Variants in ELOVL6 observed in about 807,000 individuals in gnomAD.
The protein encoded by ELOVL6 is ELOVL fatty acid elongase 6, also known as very long chain fatty acid elongase 6.
ELOVL6 carries 8 observed loss-of-function variants against 31.7 expected under a neutral mutation model. The ratio of observed to expected loss-of-function variants is 0.25; its 90% CI spans 0.15 to 0.45. ELOVL6 has a LOEUF of 0.45. Among genes scored for constraint, ELOVL6 ranks in the 20% least tolerant of loss-of-function variants. The pLI is 1.00. For synonymous variants in ELOVL6, 101 were observed against 117.7 expected (o/e 0.86, Z 0.92); for missense variants, 126 against 326.4 (o/e 0.39, Z 4.73).
At position 110,094,430 on chromosome 4, in the gene ELOVL6, TATATATATATATA is replaced by T. The variant is rs1298713779; in HGVS notation, c.221+11054_221+11066del. ...ATATATATATATATATATATATATATATATATATATATAATATATATAACATAATATATATTAC... is the reference window on the plus strand; with the variant it reads ...ATATATATATATATATATATATATATATATATATAACATAATATATATTAC... On this transcript the variant is annotated intron_variant, in intron 2 of 3. Coordinates refer to ENST00000302274, the MANE Select transcript of ELOVL6 (RefSeq NM_024090.3). Among the ~76,000 whole-genome samples, 6 of 58,258 alleles carry T rather than the reference TATATATATATATA, an allele frequency of 1.0e-4. 1 individual carries two copies. The South Asian group carries it at 2.2e-3, about 21-fold the overall frequency. 38.2% of individuals were successfully genotyped at this position (58,258 alleles called of 152,430 possible). A position where few individuals can be genotyped will look rare whatever the true frequency, so the allele number is the denominator to read the frequency against.
intron 1 of ELOVL6, among the ~76,000 whole-genome samples, chr4:110,197,125 C>T (rs891968147): frequency 1.5e-4 from 23 of 152,300 alleles, no homozygotes; most frequent in Non-Finnish European, 2.6e-4. Context: ...CCCCGGCTCC[C>T]GGGAGACCCT....
At chr4:110,111,358 C>CTT (rs3033269) in intron 1 of ELOVL6, among the ~76,000 whole-genome samples, 37,109 of 144,748 alleles carry the variant, frequency 0.26, 5,651 homozygotes, top group East Asian at 0.46. Flanking sequence ...CTTAGAATTC[C>CTT]TTTTTTTTTT....
chr4:110,062,653 G>T (rs55675150), intron 2 of ELOVL6, among the ~76,000 whole-genome samples: 3,653 of 152,278 alleles, frequency 0.024, 148 homozygotes, highest in African/African-American at 0.082. Flanking sequence ...ATATGCTGCT[G>T]TTCTGCTACC....
intron 2 of ELOVL6, among the ~76,000 whole-genome samples, chr4:110,084,563 GAT>G (rs1553956219): frequency 0.019 from 841 of 44,522 alleles, 14 homozygotes; most frequent in Non-Finnish European, 0.021. Flanking sequence ...CACACACACA[GAT>G]ATATATATAT....
At chr4:110,136,440 T>C (rs138818787) in intron 1 of ELOVL6, among the ~76,000 whole-genome samples, 70 of 152,286 alleles carry the variant, frequency 4.6e-4, no homozygotes, top group African/African-American at 1.6e-3. Flanking sequence ...AAATATGTCC[T>C]CCTGTAACCA....
At chr4:110,100,602 AG>A (rs1269722809) in intron 2 of ELOVL6, among the ~76,000 whole-genome samples, 1 of 152,024 alleles carries the variant, frequency 6.6e-6, no homozygotes, top group Non-Finnish European at 1.5e-5. Context: ...CCCTGGCTAC[AG>A]TTAAGAGCTA....
intron 2 of ELOVL6, among the ~76,000 whole-genome samples, chr4:110,097,362 C>T (rs1056259020): frequency 6.7e-6 from 1 of 148,280 alleles, no homozygotes; most frequent in Non-Finnish European, 1.5e-5. Flanking sequence ...TCAGACTAGA[C>T]ATTGTTATCT....
chr4:110,101,547 G>A (rs1756742426), intron 2 of ELOVL6, among the ~76,000 whole-genome samples: 1 of 152,092 alleles, frequency 6.6e-6, no homozygotes, highest in South Asian at 2.1e-4. Flanking sequence ...ATTGAGAGTT[G>A]TCCACATGAT....
intron 1 of ELOVL6, among the ~76,000 whole-genome samples, chr4:110,113,682 T>C (rs151214863): frequency 4.6e-5 from 7 of 152,284 alleles, no homozygotes; most frequent in East Asian, 1.9e-4. Flanking sequence ...AAAAAATAAT[T>C]TCTAGTTTCT....
At chr4:110,185,315 T>G (rs536594981) in intron 1 of ELOVL6, among the ~76,000 whole-genome samples, 1 of 152,124 alleles carries the variant, frequency 6.6e-6, no homozygotes, top group African/African-American at 2.4e-5. Flanking sequence ...TTAAATTTTG[T>G]AGAATGTCAT....
At chr4:110,084,193 C>CTTATATGATATATATCATATAAG (rs1756070560) in intron 2 of ELOVL6, among the ~76,000 whole-genome samples, 1 of 42,872 alleles carries the variant, frequency 2.3e-5, no homozygotes, top group African/African-American at 1.3e-4. Flanking sequence ...TAACATATAA[C>CTTATATGATATATATCATATAAG]TTATATGATA....
intron 1 of ELOVL6, among the ~76,000 whole-genome samples, chr4:110,111,174 C>CT (rs1197228648): frequency 6.6e-6 from 1 of 152,168 alleles, no homozygotes; most frequent in African/African-American, 2.4e-5. Context: ...GTAAACTTAT[C>CT]TTTTTCCCCC....
chr4:110,153,103 A>T (rs1293721671), intron 1 of ELOVL6, among the ~76,000 whole-genome samples: 1 of 152,164 alleles, frequency 6.6e-6, no homozygotes. Flanking sequence ...AGGCAGCACA[A>T]CCTGTGTCAG....
chr4:110,165,722 T>G (rs1359234415), intron 1 of ELOVL6, among the ~76,000 whole-genome samples: 1 of 151,634 alleles, frequency 6.6e-6, no homozygotes, highest in African/African-American at 2.4e-5. Flanking sequence ...AAATAACAAT[T>G]ATGATGCATT....
intron 1 of ELOVL6, among the ~76,000 whole-genome samples, chr4:110,193,305 C>A (rs1759675977): frequency 6.6e-6 from 1 of 152,186 alleles, no homozygotes; most frequent in Admixed American, 6.6e-5. Flanking sequence ...ATGTACAACT[C>A]CTTTTAAAAT....
rs1279889454 is a variant in ELOVL6, at chr4:110,158,652, TATATA to T, written c.89+39590_89+39594del. Among the ~76,000 whole-genome samples the T allele has an allele frequency of 5.5e-3, 502 of 91,038 alleles. 7 individuals are homozygous for T. Among genetic ancestry groups the T allele is most frequent in the African/African-American group, 0.028 (473 of 16,902 alleles). The allele number at this position is 91,038 out of a possible 152,430, so 59.7% of individuals were successfully genotyped here. A position where few individuals can be genotyped will look rare whatever the true frequency, so the allele number is the denominator to read the frequency against. Reference sequence around the variant, plus strand: ...ATACACGTGTATATATATATATATATATATATTTTTTTTTTTTTTTTTTTTGAGAC... The same window carrying T: ...ATACACGTGTATATATATATATATATTTTTTTTTTTTTTTTTTTTTGAGAC... On this transcript the variant is annotated intron_variant, in intron 1 of 3. Coordinates refer to ENST00000302274, the MANE Select transcript of ELOVL6 (RefSeq NM_024090.3).
intron 1 of ELOVL6, among the ~76,000 whole-genome samples, chr4:110,130,070 G>A (rs1757625548): frequency 6.6e-6 from 1 of 151,598 alleles, no homozygotes; most frequent in Non-Finnish European, 1.5e-5. Context: ...GCTAATTTTT[G>A]TATTTTTAGT....
At position 110,046,720 on chromosome 4, in the gene ELOVL6, T is replaced by C. The variant is rs1578436509; in HGVS notation, c.*4618A>G. ...ATAACTGGAGTCTGTCACAACAGCA[T>C]TCAAGAAAATGCTGTGACTGCACTG... On this transcript the variant is annotated 3_prime_UTR_variant, in exon 4 of 4. Transcript: ENST00000302274. 1 of 152,368 alleles carries C rather than the reference T, an allele frequency of 6.6e-6. No homozygotes were observed. Among genetic ancestry groups the C allele is most frequent in the East Asian group, 1.9e-4 (1 of 5,194 alleles). The allele number at this position is 152,368 out of a possible 1,614,324, so 9.4% of individuals were successfully genotyped here. A position where few individuals can be genotyped will look rare whatever the true frequency, so the allele number is the denominator to read the frequency against.
intron 1 of ELOVL6, among the ~76,000 whole-genome samples, chr4:110,188,115 C>T (rs1394553854): frequency 3.3e-5 from 5 of 152,148 alleles, no homozygotes; most frequent in African/African-American, 9.7e-5. Context: ...CAAGTAGCTA[C>T]ACTAAAACCT....
Sources: gnomAD v4.1 joint callset for allele counts (sites outside exome capture counted in the v4.1 genomes callset) on GRCh38, gnomAD v4.1.1 for gene constraint, MANE v1.5 for transcripts, NCBI Gene and HGNC (gene_info 2026-07-23, HGNC 2026-07-21) for gene names.